Variants in SPAG7 observed in about 807,000 individuals in gnomAD.
The protein encoded by SPAG7 is sperm-associated antigen 7.
SPAG7 carries 20 observed loss-of-function variants against 30.6 expected under a neutral mutation model. The observed-to-expected ratio is 0.65, with a 90% confidence interval of 0.46 to 0.95. SPAG7 has a LOEUF of 0.95. Among genes scored for constraint, SPAG7 ranks in the 40% least tolerant of loss-of-function variants. The pLI is 0.00. For synonymous variants in SPAG7, 127 were observed against 104.2 expected (o/e 1.22, Z -1.33); for missense variants, 276 against 291.1 (o/e 0.95, Z 0.38).
intron 6 of SPAG7, 39 bp from the exon 7 acceptor site, chr17:4,959,682 C>T (rs368088997): frequency 1.9e-4 from 312 of 1,613,164 alleles, no homozygotes; most frequent in Non-Finnish European, 2.5e-4. Flanking sequence ...CCTAGAAATC[C>T]GTACCTCAGC....
At chr17:4,964,035 T>C (rs1014733970) in intron 1 of SPAG7, among the ~76,000 whole-genome samples, 1 of 152,036 alleles carries the variant, frequency 6.6e-6, no homozygotes, top group African/African-American at 2.4e-5. Context: ...CTCAAGCAAT[T>C]TGAGAGGCCG....
Position 4,959,541 on chromosome 17 carries a change from G to A in SPAG7, c.677C>T (p.Thr226Ile). ...GGGAGCTGGGCGGGGCGCCTAGGAG[G>A]TTGGCGGCAACTCTTCCCCACTCTG... ...LRQSGEELPP[T>I]S The change falls in exon 7 of 7, where the codon ACC becomes ATC. Residue 226 changes from threonine (T) to isoleucine (I), a missense_variant. Transcript: ENST00000206020. 6.2e-7 allele frequency: 1 copy of A among 1,612,874 alleles called. No individual in the cohort carries two copies. Among genetic ancestry groups the A allele is most frequent in the East Asian group, 2.2e-5 (1 of 44,878 alleles).
rs190050083 is a variant in SPAG7 at position 4,960,661 on chromosome 17, G to A, written c.154-114C>T. ...CCCCAGCACCCTCCCCAGCCTCCAA[G>A]CCACTGGCTTCCATGCGTCACCTCT... On this transcript the variant is annotated intron_variant, in intron 2 of 6. Transcript: ENST00000206020. The A allele has an allele frequency of 3.0e-6, 4 of 1,349,232 alleles. No homozygotes were observed. The African/African-American group carries it at 4.3e-5, about 15-fold the overall frequency. 83.6% of individuals were successfully genotyped at this position (1,349,232 alleles called of 1,614,324 possible).
At chr17:4,966,487 C>G in intron 1 of SPAG7, 1 of 709,176 alleles carries the variant, frequency 1.4e-6, no homozygotes, top group Non-Finnish European at 1.7e-6. Context: ...AGACAGTCAT[C>G]GGAGCATTAG....
intron 1 of SPAG7, among the ~76,000 whole-genome samples, chr17:4,964,270 C>G (rs968905419): frequency 6.6e-6 from 1 of 152,130 alleles, no homozygotes; most frequent in Admixed American, 6.5e-5. Flanking sequence ...ATTTTACTAC[C>G]TCTAGAGATT....
Position 4,959,885 on chromosome 17 carries a change from G to A in SPAG7, c.449C>T (p.Ala150Val), listed in dbSNP as rs756458589. The A allele has an allele frequency of 6.2e-7, 1 of 1,613,614 alleles. No individual in the cohort carries two copies. Among genetic ancestry groups the A allele is most frequent in the Non-Finnish European group, 8.5e-7 (1 of 1,180,004 alleles). Residue 150 changes from alanine to valine, a missense_variant, in exon 6 of 7, where the codon GCC becomes GTC. Transcript: ENST00000206020. ...GCTCACCACCACAGGCCCCTGCTGG[G>A]CTGCCTCCTCCTCTTGCCTCTGGGC... ...ELAQRQEEEA[A>V]QQGPVVVSPA...
chr17:4,960,970 T>A (rs899062887), intron 1 of SPAG7, 117 bp from the exon 2 acceptor site: 1 of 835,028 alleles, frequency 1.2e-6, no homozygotes, highest in Non-Finnish European at 2.0e-6. Flanking sequence ...GAAGGTAGGA[T>A]TAGCGTTTAT....
intron 1 of SPAG7, among the ~76,000 whole-genome samples, chr17:4,962,941 T>TC (rs199694716): frequency 2.0e-5 from 3 of 151,818 alleles, no homozygotes; most frequent in Admixed American, 2.0e-4. Context: ...TTTTTTTTTT[T>TC]AAGTTTTCTG....
rs543855900 is a variant in SPAG7, at chr17:4,959,338, C to T, written c.*196G>A. 2 of 594,656 alleles carry T rather than the reference C, an allele frequency of 3.4e-6. No homozygotes were observed. Among genetic ancestry groups the T allele is most frequent in the African/African-American group, 3.7e-5 (2 of 53,610 alleles). The allele number at this position is 594,656 out of a possible 1,614,324, so 36.8% of individuals were successfully genotyped here. A position where few individuals can be genotyped will look rare whatever the true frequency, so the allele number is the denominator to read the frequency against. On this transcript the variant is annotated 3_prime_UTR_variant, in exon 7 of 7. Coordinates refer to ENST00000206020, the MANE Select transcript of SPAG7 (RefSeq NM_004890.3). ...ACCCACCTGTGCATTCACACTCTCA[C>T]ACACACACACACATGCCACGCACAT...
chr17:4,967,354 C>T (rs1291855502), intron 1 of SPAG7: 1 of 409,524 alleles, frequency 2.4e-6, no homozygotes, highest in Non-Finnish European at 3.3e-6. Context: ...CAGTAGATGG[C>T]GTGTCCTAAA....
At chr17:4,963,785 A>T (rs1169059640) in intron 1 of SPAG7, among the ~76,000 whole-genome samples, 2 of 151,980 alleles carry the variant, frequency 1.3e-5, no homozygotes, top group Non-Finnish European at 2.9e-5. Context: ...AACTTTCTAT[A>T]TTTTGTAAAA....
rs774220768 is a variant in SPAG7 at position 4,959,558 on chromosome 17, C to T, written c.660G>A (p.Gly220=). 7.4e-6 allele frequency: 12 copies of T among 1,613,596 alleles called. No homozygotes were observed. Among genetic ancestry groups the T allele is most frequent in the Non-Finnish European group, 1.0e-5 (12 of 1,179,904 alleles). The part of the protein sequence containing the change: ...IRAKKRLRQS[G]EELPPTS The stretch of plus-strand genomic sequence containing the variant: ...CCTAGGAGGTTGGCGGCAACTCTTC[C>T]CCACTCTGCCGCAGACGCTTCTTGG... The change falls in exon 7 of 7, where the codon GGG becomes GGA. Residue 220 remains glycine, a synonymous_variant. Coordinates refer to ENST00000206020, the MANE Select transcript of SPAG7 (RefSeq NM_004890.3).
intron 1 of SPAG7, among the ~76,000 whole-genome samples, chr17:4,963,490 G>A (rs908648055): frequency 3.3e-5 from 4 of 120,708 alleles, no homozygotes; most frequent in African/African-American, 1.3e-4. Context: ...ATGGAATCTC[G>A]CTTTGTCGCC....
chr17:4,961,764 C>CAA (rs762833514), intron 1 of SPAG7, among the ~76,000 whole-genome samples: 26 of 57,272 alleles, frequency 4.5e-4, no homozygotes, highest in East Asian at 6.2e-4. Context: ...GACTCCATCT[C>CAA]AAAAAAAAAA....
chr17:4,962,919 C>A (rs1039775813), intron 1 of SPAG7, among the ~76,000 whole-genome samples: 13 of 151,320 alleles, frequency 8.6e-5, no homozygotes, highest in Non-Finnish European at 1.3e-4. Flanking sequence ...CTGCACCCAG[C>A]CTTGGCTAAT....
intron 3 of SPAG7, 24 bp downstream of exon 3, chr17:4,960,435 C>T (rs1185359398): frequency 1.2e-6 from 2 of 1,605,992 alleles, no homozygotes; most frequent in East Asian, 2.2e-5. Flanking sequence ...CATTTCCTTC[C>T]TCCCCCAGCC....
intron 1 of SPAG7, chr17:4,966,837 G>A (rs1046237856): frequency 1.6e-5 from 16 of 985,406 alleles, no homozygotes; most frequent in African/African-American, 1.7e-5. Flanking sequence ...TTGAATACTT[G>A]GAAGGCGTCC....
intron 1 of SPAG7, 125 bp from the exon 2 acceptor site, chr17:4,960,978 T>G: frequency 1.2e-6 from 1 of 801,228 alleles, no homozygotes; most frequent in Middle Eastern, 3.2e-4. Context: ...GATTAGCGTT[T>G]ATTCATCAAG....
rs376988161 is a variant in SPAG7 at position 4,966,986 on chromosome 17, C to T, written c.85+734G>A. ...TGCAACACGAGCAGCCCCGGGGAGG[C>T]TCCCACCGCCCTGCAGGGCCGCGCC... On this transcript the variant is annotated intron_variant, in intron 1 of 6. Coordinates refer to ENST00000206020, the MANE Select transcript of SPAG7 (RefSeq NM_004890.3). 178 of 985,532 alleles carry T rather than the reference C, an allele frequency of 1.8e-4. 1 individual carries two copies. The highest frequency in any genetic ancestry group is 7.5e-4 in the South Asian group (16 of 21,428). The allele number at this position is 985,532 out of a possible 1,614,324, so 61.0% of individuals were successfully genotyped here.
Sources: allele counts gnomAD v4.1 joint callset (sites outside exome capture counted in the v4.1 genomes callset), GRCh38; gene constraint gnomAD v4.1.1; transcripts MANE v1.5; gene names NCBI Gene and HGNC (gene_info 2026-07-23, HGNC 2026-07-21).